NTM: variants seen among roughly 807,000 people sequenced by gnomAD.
The protein encoded by NTM is neurotrimin, also known as IgLON family member 2.
In NTM, 13 loss-of-function variants were observed where a neutral mutation model predicts 42.1. The ratio of observed to expected loss-of-function variants is 0.31; its 90% CI spans 0.20 to 0.49. The LOEUF is 0.49. NTM is among the 20% of genes least tolerant of loss of function. NTM has a pLI of 0.99. For synonymous variants in NTM, 187 were observed against 179.2 expected (o/e 1.04, Z -0.35); for missense variants, 373 against 452.8 (o/e 0.82, Z 1.60).
rs73587320 is a variant in NTM at position 132,037,384 on chromosome 11, G to A, written c.168-108898G>A. ...TCTTGTGCTGCCTGCAGTACCATGA[G>A]CCAAATAAACCTTTTTTCATTATAA... is the stretch of plus-strand genomic sequence containing the variant. On this transcript the variant is annotated intron_variant, in intron 2 of 8. Transcript: ENST00000683400. 2.4e-3 allele frequency among the ~76,000 whole-genome samples: 360 copies of A among 152,262 alleles called. 1 individual carries two copies. The highest frequency in any genetic ancestry group is 8.0e-3 in the African/African-American group (334 of 41,552).
At chr11:131,685,903 C>T (rs2073813777) in intron 1 of NTM, among the ~76,000 whole-genome samples, 2 of 152,204 alleles carry the variant, frequency 1.3e-5, no homozygotes, top group Non-Finnish European at 2.9e-5. Flanking sequence ...GAGGGTTTTT[C>T]CAGCTCTGAC....
intron 4 of NTM, among the ~76,000 whole-genome samples, chr11:132,229,522 A>T (rs74705983): frequency 6.6e-6 from 1 of 152,344 alleles, no homozygotes; most frequent in East Asian, 1.9e-4. Context: ...AAGTTTTAAA[A>T]TATTTTCATA....
intron 1 of NTM, among the ~76,000 whole-genome samples, chr11:131,468,376 G>A (rs1014640068): frequency 6.6e-6 from 1 of 152,364 alleles, no homozygotes; most frequent in East Asian, 1.9e-4. Context: ...AATGAATGCA[G>A]CATGAGCCTC....
intron 6 of NTM, among the ~76,000 whole-genome samples, chr11:132,311,159 G>C (rs910643567): frequency 6.6e-6 from 1 of 152,148 alleles, no homozygotes; most frequent in Non-Finnish European, 1.5e-5. Context: ...CAAGTGAATG[G>C]CCGCCCACGC....
At chr11:131,722,400 A>G (rs754111753) in intron 1 of NTM, among the ~76,000 whole-genome samples, 3 of 152,204 alleles carry the variant, frequency 2.0e-5, no homozygotes, top group African/African-American at 7.2e-5. Flanking sequence ...ACTTTTGGTG[A>G]GACTGCTTTC....
At chr11:131,566,132 G>A (rs923187365) in intron 1 of NTM, among the ~76,000 whole-genome samples, 7 of 152,072 alleles carry the variant, frequency 4.6e-5, no homozygotes, top group Admixed American at 3.3e-4. Context: ...CCCCACACCC[G>A]GTCTCATTTT....
At chr11:131,832,861 A>C (rs1205637374) in intron 1 of NTM, among the ~76,000 whole-genome samples, 4 of 152,218 alleles carry the variant, frequency 2.6e-5, no homozygotes, top group African/African-American at 9.7e-5. Flanking sequence ...AAAAACTGTT[A>C]AGTTCTATCC....
At chr11:131,506,638 T>C (rs984738876) in intron 1 of NTM, among the ~76,000 whole-genome samples, 1 of 152,060 alleles carries the variant, frequency 6.6e-6, no homozygotes, top group Non-Finnish European at 1.5e-5. Context: ...CAGGGAGAGA[T>C]GGTAAATCAT....
intron 2 of NTM, among the ~76,000 whole-genome samples, chr11:131,939,079 T>G (rs2059530770): frequency 6.6e-6 from 1 of 152,312 alleles, no homozygotes; most frequent in African/African-American, 2.4e-5. Flanking sequence ...CTTATATTTG[T>G]TCTTAAAATC....
At chr11:131,541,879 C>T (rs2053310501) in intron 1 of NTM, among the ~76,000 whole-genome samples, 1 of 152,192 alleles carries the variant, frequency 6.6e-6, no homozygotes, top group African/African-American at 2.4e-5. Flanking sequence ...CATGCTATAA[C>T]ATCTAAATTT....
intron 4 of NTM, among the ~76,000 whole-genome samples, chr11:132,296,005 A>G (rs2094595900): frequency 6.6e-6 from 1 of 152,236 alleles, no homozygotes; most frequent in African/African-American, 2.4e-5. Context: ...TGGAAACAGC[A>G]GGGTTTGTTG....
intron 1 of NTM, among the ~76,000 whole-genome samples, chr11:131,623,631 A>G (rs1306559758): frequency 2.0e-5 from 3 of 152,216 alleles, no homozygotes; most frequent in Non-Finnish European, 2.9e-5. Context: ...AGGCCTCTCT[A>G]TAGGGACGCG....
intron 4 of NTM, among the ~76,000 whole-genome samples, chr11:132,294,167 C>T (rs1045156309): frequency 3.3e-5 from 5 of 152,224 alleles, no homozygotes; most frequent in Middle Eastern, 3.4e-3. Context: ...GAGCAAGCTT[C>T]TGATTTACCT....
chr11:131,598,683 T>TTTCCTTTC (rs1488452817), intron 1 of NTM, among the ~76,000 whole-genome samples: 3 of 74,812 alleles, frequency 4.0e-5, no homozygotes, highest in Non-Finnish European at 6.0e-5. Context: ...TTCTCATTTG[T>TTTCCTTTC]TTTCTTTCTT....
chr11:132,321,139 G>A lies in NTM; in HGVS notation c.934+6436G>A, dbSNP rs924858300. 5.3e-5 allele frequency among the ~76,000 whole-genome samples: 8 copies of A among 152,344 alleles called. No homozygotes were observed. The East Asian group carries it at 7.7e-4, about 15-fold the overall frequency. ...AGCGCCTCTCCTCCTCCAAAGGAAT[G>A]CAGCTCCTCACCAGCAACTGAACAA... On this transcript the variant is annotated intron_variant, in intron 7 of 8. Transcript: ENST00000683400.
intron 4 of NTM, among the ~76,000 whole-genome samples, chr11:132,297,253 C>A (rs999173027): frequency 6.6e-6 from 1 of 152,316 alleles, no homozygotes; most frequent in Non-Finnish European, 1.5e-5. Context: ...ATAGATTTGA[C>A]CCCACCCCAG....
chr11:131,775,234 C>A (rs1591758567), intron 1 of NTM, among the ~76,000 whole-genome samples: 1 of 152,234 alleles, frequency 6.6e-6, no homozygotes, highest in Non-Finnish European at 1.5e-5. Context: ...AGATTTGGAG[C>A]ATTACAACTC....
At chr11:131,618,789 T>C (rs1156687524) in intron 1 of NTM, among the ~76,000 whole-genome samples, 2 of 152,218 alleles carry the variant, frequency 1.3e-5, no homozygotes, top group African/African-American at 4.8e-5. Flanking sequence ...TATGCATGGA[T>C]AGACAGGAAC....
intron 4 of NTM, among the ~76,000 whole-genome samples, chr11:132,220,160 G>C (rs895475204): frequency 6.6e-6 from 1 of 152,202 alleles, no homozygotes; most frequent in Non-Finnish European, 1.5e-5. Context: ...GTGAAACATA[G>C]AGCATTAGGT....
Sources: allele counts gnomAD v4.1 joint callset (sites outside exome capture counted in the v4.1 genomes callset), GRCh38; gene constraint gnomAD v4.1.1; transcripts MANE v1.5; gene names NCBI Gene and HGNC (gene_info 2026-07-23, HGNC 2026-07-21).